The following LIPM variants were observed in gnomAD, a reference collection of about 807,000 sequenced individuals.
The protein encoded by LIPM is lipase family member M.
In LIPM, 42 loss-of-function variants were observed where a neutral mutation model predicts 42.4. The observed-to-expected ratio is 0.99, with a 90% CI of 0.77 to 1.28. The LOEUF (loss-of-function observed/expected upper bound fraction) is 1.28. LIPM is among the 50% of genes most tolerant of loss of function. LIPM has a pLI of 0.00. For missense variants in LIPM, 524 were observed against 520.1 expected (o/e 1.01, Z -0.07); for synonymous variants, 177 against 173.3 (o/e 1.02, Z -0.17).
intron 2 of LIPM, among the ~76,000 whole-genome samples, chr10:88,812,539 A>G (rs1843667638): frequency 1.3e-5 from 2 of 152,186 alleles, no homozygotes; most frequent in African/African-American, 4.8e-5. Flanking sequence ...TTGTTCATTT[A>G]TTTATTGGTC....
rs1439605550 is a variant in LIPM, at chr10:88,808,329, G to T, written c.179G>T (p.Cys60Phe). ...ATCATCCAACATCAAGGCTATCCCTGTGAGGAATATGAAGTCGCAACTGAA... is the reference window on the plus strand; with the variant it reads ...ATCATCCAACATCAAGGCTATCCCTTTGAGGAATATGAAGTCGCAACTGAA... ...SEIIQHQGYPCEEYEVATEDG... is the reference protein window; with the variant it reads ...SEIIQHQGYPFEEYEVATEDG... The change falls in exon 2 of 9, where the codon TGT becomes TTT. Residue 60 changes from cysteine to phenylalanine, a missense_variant. Cys to Phe is a radical substitution (Grantham distance 205). Coordinates refer to ENST00000404743, the MANE Select transcript of LIPM (RefSeq NM_001128215.1). 1.3e-6 allele frequency: 2 copies of T among 1,550,408 alleles called. No individual in the cohort carries two copies. The highest frequency in any genetic ancestry group is 3.9e-5 in the Admixed American group (2 of 50,986).
chr10:88,805,855 A>C, intron 1 of LIPM: 1 of 406,920 alleles, frequency 2.5e-6, no homozygotes, highest in South Asian at 1.8e-5. Flanking sequence ...AAGGAAGTAG[A>C]GAATCAGGAG....
chr10:88,815,450 T>C lies in LIPM; in HGVS notation c.805T>C (p.Cys269Arg), dbSNP rs1843707536. 1 of 1,551,396 alleles carries C rather than the reference T, an allele frequency of 6.4e-7. No individual in the cohort carries two copies. The highest frequency in any genetic ancestry group is 2.4e-5 in the East Asian group (1 of 40,932). ...LCGQVILDQI[C>R]SNIMLLLGGF... is the part of the protein sequence containing the mutation. The stretch of plus-strand genomic sequence containing the variant: ...TGGCCAGGTGATTCTTGATCAGATT[T>C]GTAGTAATATCATGTTACTTCTGGG... The change falls in exon 6 of 9, where the codon TGT becomes CGT. Residue 269 changes from cysteine to arginine, a missense_variant. Physicochemically the swap from Cys to Arg is radical, Grantham distance 180. Transcript: ENST00000404743.
At chr10:88,810,440 C>T (rs1275416011) in intron 2 of LIPM, among the ~76,000 whole-genome samples, 1 of 151,874 alleles carries the variant, frequency 6.6e-6, no homozygotes, top group Non-Finnish European at 1.5e-5. Context: ...TTGTTCCAGT[C>T]CGTGCAGAAT....
At chr10:88,805,865 G>A (rs1843580014) in intron 1 of LIPM, 14 of 428,000 alleles carry the variant, frequency 3.3e-5, no homozygotes, top group South Asian at 2.3e-4. Context: ...AGAATCAGGA[G>A]TAAGGAAAGA....
Position 88,802,896 on chromosome 10 carries a change from C to G in LIPM, c.-1C>G, listed in dbSNP as rs543114225. On this transcript the variant is annotated 5_prime_UTR_variant, in exon 1 of 9. Transcript: ENST00000404743. The stretch of plus-strand genomic sequence containing the variant: ...GAAAAAATAAATGCAGATGTTGGAC[C>G]ATGTTGGAAACCTTGTCAAGACAGT... The G allele has an allele frequency of 9.1e-6, 14 of 1,537,430 alleles. No individual in the cohort carries two copies. The highest frequency in any genetic ancestry group is 2.1e-5 in the Admixed American group (1 of 46,662).
At chr10:88,812,865 C>T (rs1464807962) in intron 2 of LIPM, among the ~76,000 whole-genome samples, 1 of 152,192 alleles carries the variant, frequency 6.6e-6, no homozygotes, top group African/African-American at 2.4e-5. Flanking sequence ...GGGCAACATG[C>T]CATCCATTTC....
chr10:88,817,010 A>G (rs1843725787), intron 7 of LIPM, 123 bp downstream of exon 7: 1 of 735,146 alleles, frequency 1.4e-6, no homozygotes, highest in African/African-American at 1.7e-5. Flanking sequence ...GAAATGCAGT[A>G]TCGTCGATGC....
In LIPM at chr10:88,820,214, A is replaced by G. The variant is rs1192961062; in HGVS notation, c.1003-18A>G. The G allele has an allele frequency of 6.5e-7, 1 of 1,539,736 alleles. No homozygotes were observed. Among genetic ancestry groups the G allele is most frequent in the Non-Finnish European group, 8.8e-7 (1 of 1,142,210 alleles). On this transcript the variant is annotated intron_variant, in intron 8 of 8. Transcript: ENST00000404743. Reference sequence around the variant, plus strand: ...GTCCAAATGTTACCTAGAGTTAAGAACTATTCCTTTTCTCTAGCCAACTCC... The same window carrying G: ...GTCCAAATGTTACCTAGAGTTAAGAGCTATTCCTTTTCTCTAGCCAACTCC...
At chr10:88,812,028 T>C (rs1423083206) in intron 2 of LIPM, among the ~76,000 whole-genome samples, 2 of 152,212 alleles carry the variant, frequency 1.3e-5, no homozygotes, top group African/African-American at 4.8e-5. Flanking sequence ...TCATTTACTA[T>C]ACATTTGGCC....
chr10:88,806,881 G>T (rs895389608), intron 1 of LIPM, among the ~76,000 whole-genome samples: 1 of 152,042 alleles, frequency 6.6e-6, no homozygotes. Flanking sequence ...AGTAGAGATG[G>T]TGTTTCACCA....
At chr10:88,811,249 C>T (rs1843651897) in intron 2 of LIPM, among the ~76,000 whole-genome samples, 1 of 152,160 alleles carries the variant, frequency 6.6e-6, no homozygotes, top group Non-Finnish European at 1.5e-5. Flanking sequence ...CGCATTTAAC[C>T]CTCCCCTGCC....
chr10:88,811,909 CATTG>C (rs60239159), intron 2 of LIPM, among the ~76,000 whole-genome samples: 14,625 of 152,142 alleles, frequency 0.096, 816 homozygotes, highest in African/African-American at 0.15. Flanking sequence ...AGAAAACAAA[CATTG>C]ATTGACATTA....
At chr10:88,805,525 A>C (rs939413983) in intron 1 of LIPM, among the ~76,000 whole-genome samples, 9 of 152,372 alleles carry the variant, frequency 5.9e-5, no homozygotes, top group African/African-American at 2.2e-4. Context: ...AGAAGGCAAT[A>C]GTCACCAATG....
At position 88,805,268 on chromosome 10, in the gene LIPM, G is replaced by T. The variant is rs567133606; in HGVS notation, c.147+2225G>T. Reference sequence around the variant, plus strand: ...AAATAAAAGAAGAAAACATAAAATAGGGGGAACTAATCCAGAAAGCTTTGC... The same window carrying T: ...AAATAAAAGAAGAAAACATAAAATATGGGGAACTAATCCAGAAAGCTTTGC... On this transcript the variant is annotated intron_variant, in intron 1 of 8. Coordinates refer to ENST00000404743, the MANE Select transcript of LIPM (RefSeq NM_001128215.1). Among the ~76,000 whole-genome samples the T allele has an allele frequency of 1.1e-3, 175 of 152,254 alleles. No individual in the cohort carries two copies. In the Middle Eastern group the frequency reaches 0.014, roughly 12 times the overall value.
At chr10:88,806,530 C>T (rs1843590092) in intron 1 of LIPM, among the ~76,000 whole-genome samples, 1 of 152,164 alleles carries the variant, frequency 6.6e-6, no homozygotes, top group Non-Finnish European at 1.5e-5. Context: ...GGATAGTTGT[C>T]AGATCAGCAA....
At chr10:88,806,798 C>G (rs1336999140) in intron 1 of LIPM, among the ~76,000 whole-genome samples, 1 of 152,158 alleles carries the variant, frequency 6.6e-6, no homozygotes, top group Non-Finnish European at 1.5e-5. Context: ...AATTCCTCTT[C>G]CTCAGCCTCC....
chr10:88,805,912 A>G (rs780538211), intron 1 of LIPM: 1 of 455,192 alleles, frequency 2.2e-6, no homozygotes, highest in Non-Finnish European at 4.4e-6. Flanking sequence ...CAAAACAGCC[A>G]GACTCAACTC....
intron 4 of LIPM, 118 bp from the exon 5 acceptor site, chr10:88,814,970 G>A (rs1015613458): frequency 4.0e-5 from 36 of 910,100 alleles, no homozygotes; most frequent in Admixed American, 6.3e-5. Context: ...AATTTTATAG[G>A]AGAGGTAAGA....
Sources: allele counts gnomAD v4.1 joint callset (sites outside exome capture counted in the v4.1 genomes callset), GRCh38; gene constraint gnomAD v4.1.1; transcripts MANE v1.5; gene names NCBI Gene and HGNC (gene_info 2026-07-23, HGNC 2026-07-21).